Variants in SLC38A6 observed in about 807,000 individuals in gnomAD.
SLC38A6 encodes the protein N system amino acid transporter NAT-1.
A neutral mutation model predicts 65.0 loss-of-function variants in SLC38A6; 73 were observed. The observed-to-expected ratio is 1.12, with a 90% CI of 0.93 to 1.37. The LOEUF is 1.37. Among genes scored for constraint, SLC38A6 ranks in the 40% most tolerant of loss-of-function variants. The pLI is 0.00. For missense variants in SLC38A6, 561 were observed against 531.1 expected, an observed-to-expected ratio of 1.06 and a Z score of -0.55; for synonymous variants, 183 against 178.8, an observed-to-expected ratio of 1.02 and a Z score of -0.19.
At chr14:61,014,647 C>T (rs1277589710) in intron 3 of SLC38A6, among the ~76,000 whole-genome samples, 3 of 152,182 alleles carry the variant, frequency 2.0e-5, no homozygotes, top group South Asian at 2.1e-4. Flanking sequence ...ACTGGAAGTC[C>T]ACTCCAGACC....
downstream of SLC38A6, among the ~76,000 whole-genome samples, chr14:61,054,206 G>T (rs2042627490): frequency 6.6e-6 from 1 of 151,980 alleles, no homozygotes; most frequent in Admixed American, 6.6e-5. Flanking sequence ...TTATTTCTGG[G>T]TTCTCTATAC....
Position 61,019,557 on chromosome 14 carries a change from C to T in SLC38A6, c.380C>T (p.Thr127Ile). Residue 127 changes from threonine (T) to isoleucine (I), a missense_variant, in exon 5 of 16, where the codon ACC (threonine) becomes ATC (isoleucine). By Grantham distance (89) the Thr-to-Ile change is moderately conservative. Transcript: ENST00000267488. Reference protein sequence around the residue: ...GLPGKLVVAGTIIIQNIGAMS... With the variant: ...GLPGKLVVAGIIIIQNIGAMS... ...CTTTTACAGTTGGTGGTGGCAGGCA[C>T]CATAATAATTCAGAATATTGGAGGT... 6.2e-7 allele frequency: 1 copy of T among 1,613,290 alleles called. No individual in the cohort carries two copies. The highest frequency in any genetic ancestry group is 8.5e-7 in the Non-Finnish European group (1 of 1,179,474).
intron 3 of SLC38A6, among the ~76,000 whole-genome samples, chr14:60,999,560 G>A (rs1208773033): frequency 6.6e-6 from 1 of 152,110 alleles, no homozygotes; most frequent in Non-Finnish European, 1.5e-5. Flanking sequence ...AATGCTTCCC[G>A]AAAAGGTAGC....
intron 16 of SLC38A6, among the ~76,000 whole-genome samples, chr14:61,082,830 C>T (rs1474402739): frequency 1.3e-5 from 2 of 152,212 alleles, no homozygotes; most frequent in Admixed American, 6.5e-5. Context: ...CTGCTGTCCA[C>T]TGGAGCCCTG....
At chr14:61,082,689 A>G (rs936186396) in intron 16 of SLC38A6, among the ~76,000 whole-genome samples, 16 of 152,122 alleles carry the variant, frequency 1.1e-4, no homozygotes, top group African/African-American at 3.4e-4. Flanking sequence ...GGCCTGCCCT[A>G]GGTTTCTACC....
intron 15 of SLC38A6, among the ~76,000 whole-genome samples, chr14:61,069,828 T>G (rs1029535210): frequency 1.3e-5 from 2 of 152,122 alleles, no homozygotes; most frequent in Admixed American, 1.3e-4. Context: ...TCCAATTCTA[T>G]CCCCAGCATC....
intron 3 of SLC38A6, among the ~76,000 whole-genome samples, chr14:61,004,106 T>G (rs770910985): frequency 1.3e-5 from 2 of 152,192 alleles, no homozygotes; most frequent in African/African-American, 2.4e-5. Context: ...TCTCAAACAG[T>G]AACTGTTGTG....
chr14:61,082,164 A>G (rs139489979), intron 16 of SLC38A6, among the ~76,000 whole-genome samples: 161 of 152,150 alleles, frequency 1.1e-3, no homozygotes, highest in African/African-American at 3.8e-3. Flanking sequence ...GCACCCCCGC[A>G]CCACCCTCAC....
At chr14:61,024,893 A>G (rs181182933) in intron 5 of SLC38A6, among the ~76,000 whole-genome samples, 34 of 152,308 alleles carry the variant, frequency 2.2e-4, no homozygotes, top group Admixed American at 1.3e-4. Flanking sequence ...GGGGGATGTT[A>G]TATTCTTATT....
intron 8 of SLC38A6, among the ~76,000 whole-genome samples, chr14:61,041,229 T>C (rs962256808): frequency 4.6e-5 from 7 of 152,158 alleles, no homozygotes; most frequent in African/African-American, 1.7e-4. Flanking sequence ...TGTTAATCTT[T>C]CCTCTCTGTT....
intron 12 of SLC38A6, among the ~76,000 whole-genome samples, chr14:61,046,491 A>G (rs748200359): frequency 1.3e-5 from 2 of 152,194 alleles, no homozygotes; most frequent in Middle Eastern, 3.2e-3. Context: ...TTTGAATTCA[A>G]TATATTAGTC....
intron 5 of SLC38A6, among the ~76,000 whole-genome samples, chr14:61,022,091 C>G (rs926146793): frequency 6.6e-6 from 1 of 152,058 alleles, no homozygotes; most frequent in Non-Finnish European, 1.5e-5. Context: ...AATTTGAATT[C>G]AAATTTGGCA....
rs2139680803 is a variant in SLC38A6 at position 61,032,670 on chromosome 14, A to G, written c.482+2147A>G. Among the ~76,000 whole-genome samples the G allele has an allele frequency of 2.0e-5, 3 of 151,912 alleles. 1 individual carries two copies. In the East Asian group the frequency reaches 5.8e-4, roughly 29 times the overall value. ...ATATATATTCATTTATTTTTGGCTA[A>G]TTATATTAACTTACTTGAATGCAGA... On this transcript the variant is annotated intron_variant, in intron 6 of 15. Transcript: ENST00000267488.
chr14:60,992,654 G>A (rs1485088814), intron 3 of SLC38A6, among the ~76,000 whole-genome samples: 1 of 151,680 alleles, frequency 6.6e-6, no homozygotes, highest in African/African-American at 2.4e-5. Flanking sequence ...ATATAATAAT[G>A]TTGCTCCCTC....
chr14:61,062,582 A>C (rs1409703457), intron 15 of SLC38A6, among the ~76,000 whole-genome samples: 3 of 151,918 alleles, frequency 2.0e-5, no homozygotes, highest in Non-Finnish European at 4.4e-5. Context: ...GTGCCTCAGC[A>C]TACTGAGTAG....
chr14:61,029,164 T>C (rs2040787274), intron 5 of SLC38A6, among the ~76,000 whole-genome samples: 1 of 151,446 alleles, frequency 6.6e-6, no homozygotes. Flanking sequence ...TCTTTTTTTT[T>C]TTTTTTTTTG....
At chr14:61,020,699 C>A (rs1014727165) in intron 5 of SLC38A6, among the ~76,000 whole-genome samples, 2 of 151,944 alleles carry the variant, frequency 1.3e-5, no homozygotes, top group African/African-American at 4.8e-5. Flanking sequence ...TCAAGAAAAC[C>A]AGTCTCTTCA....
In SLC38A6 at chr14:61,081,214, G is replaced by T. The variant is rs375150323; in HGVS notation, c.1408+2287G>T. 2.1e-4 allele frequency among the ~76,000 whole-genome samples: 32 copies of T among 152,368 alleles called. 2 individuals are homozygous for T. The highest frequency in any genetic ancestry group is 1.5e-3 in the Admixed American group (23 of 15,308). On this transcript the variant is annotated intron_variant, in intron 16 of 16. Transcript: ENST00000354886. ...AGACCTGGAAGCAGGGGCCATAGAT[G>T]GGGTGTTGTCTGAGCCAGGAAGTTT...
At chr14:61,034,119 G>C (rs1408574808) in intron 6 of SLC38A6, 1 of 152,094 alleles carries the variant, frequency 6.6e-6, no homozygotes, top group Non-Finnish European at 1.5e-5. Flanking sequence ...AGGAGGTAAA[G>C]TTATCTTCAG....
Sources: allele counts gnomAD v4.1 joint callset (sites outside exome capture counted in the v4.1 genomes callset), GRCh38; gene constraint gnomAD v4.1.1; transcripts MANE v1.5; gene names NCBI Gene and HGNC (gene_info 2026-07-23, HGNC 2026-07-21).